The following MAP1B variants were observed in gnomAD, a reference collection of about 807,000 sequenced individuals.
The protein encoded by MAP1B is microtubule-associated protein 1B.
MAP1B carries 12 observed loss-of-function variants against 176.1 expected under a neutral mutation model. The observed-to-expected ratio is 0.07, with a 90% CI of 0.04 to 0.11. The LOEUF (loss-of-function observed/expected upper bound fraction) is 0.11. Among genes scored for constraint, MAP1B ranks in the 10% least tolerant of loss-of-function variants. MAP1B has a pLI of 1.00. For synonymous variants in MAP1B, 1,044 were observed against 1,135.0 expected, an observed-to-expected ratio of 0.92 and a Z score of 1.61; for missense variants, 2,523 against 2,990.5, an observed-to-expected ratio of 0.84 and a Z score of 3.65.
At chr5:72,144,644 C>T (rs191965509) in intron 2 of MAP1B, among the ~76,000 whole-genome samples, 93 of 152,296 alleles carry the variant, frequency 6.1e-4, no homozygotes, top group Admixed American at 1.7e-3. Context: ...ATCCCCCCAC[C>T]TCAGCTTCCC....
chr5:72,109,075 G>T (rs1745247808), intron 1 of MAP1B, among the ~76,000 whole-genome samples: 1 of 152,148 alleles, frequency 6.6e-6, no homozygotes. Flanking sequence ...AAAGACGAAA[G>T]AAAAACCTTG....
intron 2 of MAP1B, among the ~76,000 whole-genome samples, chr5:72,119,628 C>A (rs1326746979): frequency 6.6e-6 from 1 of 152,200 alleles, no homozygotes; most frequent in Non-Finnish European, 1.5e-5. Flanking sequence ...CCACCTCAGC[C>A]TCCTGAGTAG....
intron 5 of MAP1B, among the ~76,000 whole-genome samples, chr5:72,203,362 A>T (rs1239599110): frequency 1.3e-5 from 2 of 152,202 alleles, no homozygotes; most frequent in Non-Finnish European, 2.9e-5. Context: ...GTAAACAACC[A>T]TGTTATGTTT....
At chr5:72,183,860 C>A in intron 3 of MAP1B, 35 bp downstream of exon 3, 5 of 1,579,910 alleles carry the variant, frequency 3.2e-6, no homozygotes, top group African/African-American at 1.3e-5. Flanking sequence ...TGGGGCCGGG[C>A]CCCACACACT....
At chr5:72,146,811 C>T (rs1746052695) in intron 2 of MAP1B, among the ~76,000 whole-genome samples, 1 of 152,180 alleles carries the variant, frequency 6.6e-6, no homozygotes, top group Non-Finnish European at 1.5e-5. Context: ...AAATGCATTC[C>T]ATGTACAGGA....
Position 72,197,621 on chromosome 5 carries a change from C to T in MAP1B, c.4266C>T (p.Gly1422=), listed in dbSNP as rs1561316336. The T allele has an allele frequency of 6.2e-7, 1 of 1,614,170 alleles. No homozygotes were observed. The highest frequency in any genetic ancestry group is 1.3e-5 in the African/African-American group (1 of 75,048). The stretch of plus-strand genomic sequence containing the variant: ...TAAGTGCTGATGACAAGGCTTCTGG[C>T]AGAGGTGCCGAAAGTCCTTTTGAAG... The part of the protein sequence containing the change: ...SFLSADDKAS[G]RGAESPFEEK... The change falls in exon 5 of 7, where the codon GGC becomes GGT. Residue 1422 remains glycine (G), a synonymous_variant. Coordinates refer to ENST00000296755, the MANE Select transcript of MAP1B (RefSeq NM_005909.5).
intron 2 of MAP1B, among the ~76,000 whole-genome samples, chr5:72,159,594 A>G (rs1490670976): frequency 6.6e-6 from 1 of 152,192 alleles, no homozygotes. Flanking sequence ...ACACCATTAT[A>G]CCAGTGATTT....
chr5:72,193,299 A>T (rs1747067474), intron 4 of MAP1B: 1 of 427,046 alleles, frequency 2.3e-6, no homozygotes, highest in Non-Finnish European at 4.6e-6. Flanking sequence ...AGGCCACAAC[A>T]AGTGCCCTGT....
chr5:72,189,881 T>G (rs1746989235), intron 4 of MAP1B, among the ~76,000 whole-genome samples: 1 of 152,010 alleles, frequency 6.6e-6, no homozygotes, highest in African/African-American at 2.4e-5. Context: ...TAATTTGAAA[T>G]CCATTAGCAT....
rs369702139 is a variant in MAP1B at position 72,197,955 on chromosome 5, G to T, written c.4600G>T (p.Val1534Phe). ...GTVSDKSATP[V>F]DEGVAEDTYS... is the part of the protein sequence containing the mutation. ...TGTCTCAGACAAGTCAGCTACTCCT[G>T]TTGATGAGGGCGTAGCAGAAGACAC... The change falls in exon 5 of 7, where the codon GTT (valine) becomes TTT (phenylalanine). Residue 1534 changes from valine to phenylalanine, a missense_variant. Val to Phe is a conservative substitution (Grantham distance 50). This residue lies in a region of MAP1B where 1,925 missense variants were observed against 2,126.0 expected (regional missense o/e 0.91). Transcript: ENST00000296755. 1.2e-6 allele frequency: 2 copies of T among 1,614,202 alleles called. No homozygotes were observed. The highest frequency in any genetic ancestry group is 8.5e-7 in the Non-Finnish European group (1 of 1,180,028).
intron 2 of MAP1B, among the ~76,000 whole-genome samples, chr5:72,143,147 G>C (rs1247894339): frequency 6.6e-6 from 1 of 152,092 alleles, no homozygotes; most frequent in Non-Finnish European, 1.5e-5. Context: ...AAACATCTTT[G>C]CACGTATCAT....
chr5:72,203,870 G>A (rs1747386407), intron 6 of MAP1B, 69 bp downstream of exon 6: 1 of 1,426,766 alleles, frequency 7.0e-7, no homozygotes. Context: ...AAGGAACCAT[G>A]TTTAAAGAGG....
chr5:72,189,421 GT>G (rs1440430385), intron 4 of MAP1B, among the ~76,000 whole-genome samples: 1 of 152,172 alleles, frequency 6.6e-6, no homozygotes, highest in Non-Finnish European at 1.5e-5. Flanking sequence ...CAGTGTCTTA[GT>G]TACCCTTCAC....
intron 2 of MAP1B, among the ~76,000 whole-genome samples, chr5:72,181,207 G>C (rs1219223449): frequency 2.0e-5 from 3 of 152,166 alleles, no homozygotes; most frequent in Non-Finnish European, 4.4e-5. Context: ...AGCTGTTACT[G>C]AAAGTAGGAT....
At chr5:72,178,725 G>GGGGGT (rs761860242) in intron 2 of MAP1B, among the ~76,000 whole-genome samples, 11 of 140,418 alleles carry the variant, frequency 7.8e-5, no homozygotes, top group African/African-American at 2.4e-4. Flanking sequence ...GCCTCTGAGG[G>GGGGGT]GTGTGTGTGT....
chr5:72,181,424 G>C (rs533044470), intron 2 of MAP1B, among the ~76,000 whole-genome samples: 179 of 152,218 alleles, frequency 1.2e-3, no homozygotes, highest in African/African-American at 4.0e-3. Context: ...TAGTGTACTA[G>C]TGAATGTTTT....
chr5:72,147,742 G>A (rs923803828), intron 2 of MAP1B, among the ~76,000 whole-genome samples: 6 of 152,174 alleles, frequency 3.9e-5, no homozygotes, highest in Non-Finnish European at 5.9e-5. Flanking sequence ...GGTCTTGAGA[G>A]ACATGTCAGG....
chr5:72,185,975 G>T (rs1006217428), intron 3 of MAP1B, among the ~76,000 whole-genome samples: 4 of 152,190 alleles, frequency 2.6e-5, no homozygotes, highest in African/African-American at 9.7e-5. Context: ...GTTCCTTAGC[G>T]CAAACCATGT....
At chr5:72,201,553 A>G (rs942934825) in intron 5 of MAP1B, among the ~76,000 whole-genome samples, 3 of 152,238 alleles carry the variant, frequency 2.0e-5, no homozygotes, top group Non-Finnish European at 1.5e-5. Flanking sequence ...CTTCACATCA[A>G]TCACAAGGAT....
Sources: gnomAD v4.1 joint callset for allele counts (sites outside exome capture counted in the v4.1 genomes callset) on GRCh38, gnomAD v4.1.1 for gene constraint, gnomAD v4.1.1 regional missense constraint, MANE v1.5 for transcripts, NCBI Gene and HGNC (gene_info 2026-07-23, HGNC 2026-07-21) for gene names.